The following KRT27 variants were observed in gnomAD, a reference collection of about 807,000 sequenced individuals.
KRT27 encodes the protein keratin 27.
A neutral mutation model predicts 45.3 loss-of-function variants in KRT27; 30 were observed. The ratio of observed to expected loss-of-function variants is 0.66; its 90% CI spans 0.50 to 0.90. The LOEUF (loss-of-function observed/expected upper bound fraction) is 0.90. Ranked by LOEUF, KRT27 falls within the 40% of genes least tolerant of loss-of-function variation. KRT27 has a pLI of 0.00. For synonymous variants in KRT27, 204 were observed against 223.9 expected, an observed-to-expected ratio of 0.91 and a Z score of 0.79; for missense variants, 610 against 564.3, an observed-to-expected ratio of 1.08 and a Z score of -0.82.
rs528340452 is a variant in KRT27 at position 40,777,258 on chromosome 17, G to A, written c.1235C>T (p.Thr412Ile). 5.6e-6 allele frequency: 9 copies of A among 1,613,760 alleles called. No individual in the cohort carries two copies. The highest frequency in any genetic ancestry group is 1.6e-4 in the Middle Eastern group (1 of 6,084). ...CTAACACAGCTTTTGTTTACCTTTT[G>A]TTTGATTTCCTGGGCCTCCATAGCC... ...SKGYGGPGNQ[T>I]KDSSKTTIVK... Residue 412 changes from threonine to isoleucine, a missense_variant, in exon 7 of 8, where the codon ACA becomes ATA. Physicochemically the swap from Thr to Ile is moderately conservative, Grantham distance 89. Coordinates refer to ENST00000301656, the MANE Select transcript of KRT27 (RefSeq NM_181537.4).
At chr17:40,781,813 C>T (rs1006718625) in intron 1 of KRT27, among the ~76,000 whole-genome samples, 2 of 152,198 alleles carry the variant, frequency 1.3e-5, no homozygotes, top group Non-Finnish European at 2.9e-5. Context: ...ACTGGAGACA[C>T]TGGACAGCTT....
Position 40,777,082 on chromosome 17 carries a change from T to C in KRT27, c.1297A>G (p.Lys433Glu). Residue 433 changes from lysine to glutamate, a missense_variant, in exon 8 of 8, where the codon AAA becomes GAA. Lys to Glu is a moderately conservative substitution (Grantham distance 56, BLOSUM62 1). Coordinates refer to ENST00000301656, the MANE Select transcript of KRT27 (RefSeq NM_181537.4). ...TVVEEIDPRG[K>E]VLSSRVHTVE... is the part of the protein sequence containing the mutation. ...GTGTGAACTCTGGATGAGAGAACTT[T>C]GCCACGAGGATCTATCTCTTCAACA... 6.2e-7 allele frequency: 1 copy of C among 1,614,122 alleles called. No homozygotes were observed. The highest frequency in any genetic ancestry group is 1.1e-5 in the South Asian group (1 of 91,076).
rs377315465 is a variant in KRT27, at chr17:40,777,597, C to T, written c.1108G>A (p.Glu370Lys). 2.4e-5 allele frequency: 38 copies of T among 1,613,894 alleles called. 1 individual carries two copies. In the South Asian group the frequency reaches 2.7e-4, roughly 12 times the overall value. ...VRTETEGQKL[E>K]YEQLLDIKVH... ...TTGATGTCAAGGAGCTGCTCATACT[C>T]GAGCTTCTGGCCCTCGGTCTCGGTT... The change falls in exon 6 of 8, where the codon GAG becomes AAG. Residue 370 changes from glutamate to lysine, a missense_variant. By Grantham distance (56) the Glu-to-Lys change is moderately conservative. Coordinates refer to ENST00000301656, the MANE Select transcript of KRT27 (RefSeq NM_181537.4).
At chr17:40,779,118 A>T (rs1296990601) in intron 5 of KRT27, among the ~76,000 whole-genome samples, 3 of 152,138 alleles carry the variant, frequency 2.0e-5, no homozygotes, top group South Asian at 2.1e-4. Flanking sequence ...TCCTTTAACC[A>T]ACCTCTTCCT....
chr17:40,780,521 T>A lies in KRT27; in HGVS notation c.528-65A>T, dbSNP rs997984290. 4 of 1,422,716 alleles carry A rather than the reference T, an allele frequency of 2.8e-6. No individual in the cohort carries two copies. In the African/African-American group the frequency reaches 4.2e-5, roughly 15 times the overall value. 88.1% of individuals were successfully genotyped at this position (1,422,716 alleles called of 1,614,324 possible). A position where few individuals can be genotyped will look rare whatever the true frequency, so the allele number is the denominator to read the frequency against. On this transcript the variant is annotated intron_variant, in intron 2 of 7. Coordinates refer to ENST00000301656, the MANE Select transcript of KRT27 (RefSeq NM_181537.4). ...ACATGGCACATCACTTTTTAGATCA[T>A]CATACAACTCAGACTAAGCTTTGAG...
Position 40,776,963 on chromosome 17 carries a change from T to G in KRT27, c.*36A>C, listed in dbSNP as rs1244722412. On this transcript the variant is annotated 3_prime_UTR_variant, in exon 8 of 8. Coordinates refer to ENST00000301656, the MANE Select transcript of KRT27 (RefSeq NM_181537.4). ...AGGAAACTAGCTTCATTTTGGTATTTTAATTTGGGGGCCATTCTGTCTCAG... is the reference window on the plus strand; with the variant it reads ...AGGAAACTAGCTTCATTTTGGTATTGTAATTTGGGGGCCATTCTGTCTCAG... 1 of 1,554,216 alleles carries G rather than the reference T, an allele frequency of 6.4e-7. No individual in the cohort carries two copies. Among genetic ancestry groups the G allele is most frequent in the East Asian group, 2.3e-5 (1 of 44,000 alleles).
At chr17:40,781,163 C>A in intron 2 of KRT27, 25 bp downstream of exon 2, 1 of 1,493,082 alleles carries the variant, frequency 6.7e-7, no homozygotes, top group Non-Finnish European at 9.1e-7. Context: ...ACTTTTTTTT[C>A]CCATTTATCT....
At position 40,777,336 on chromosome 17, in the gene KRT27, CT is replaced by C. The variant is rs1567678978; in HGVS notation, c.1191-35del. On this transcript the variant is annotated intron_variant, in intron 6 of 7. Transcript: ENST00000301656. ...GTATAGAGCGCTTATATTAATTATT[CT>C]GTTTTACTGAGGAAACTGAAAAATA... is the stretch of plus-strand genomic sequence containing the variant. The C allele has an allele frequency of 3.1e-6, 5 of 1,587,716 alleles. No homozygotes were observed. In the South Asian group the frequency reaches 3.5e-5, roughly 11 times the overall value.
chr17:40,782,122 T>C lies in KRT27; in HGVS notation c.372A>G (p.Gly124=), dbSNP rs1211891044. Residue 124 remains glycine (G), a synonymous_variant, in exon 1 of 8, where the codon GGA becomes GGG. Transcript: ENST00000301656. ...QKIKGWYEKF[G]PGSCRGLDHD... is the part of the protein sequence containing the mutation. Reference sequence around the variant, plus strand: ...GATCAAGGCCACGGCAAGAACCAGGTCCAAATTTCTCATACCACCCCTTGA... The same window carrying C: ...GATCAAGGCCACGGCAAGAACCAGGCCCAAATTTCTCATACCACCCCTTGA... 8 of 1,614,086 alleles carry C rather than the reference T, an allele frequency of 5.0e-6. No homozygotes were observed. The South Asian group carries it at 8.8e-5, about 18-fold the overall frequency.
chr17:40,778,049 G>T, intron 5 of KRT27: 2 of 275,486 alleles, frequency 7.3e-6, no homozygotes, highest in Admixed American at 4.7e-5. Context: ...GTAGAGTGTG[G>T]CACAATTTGC....
At chr17:40,779,957 A>G in intron 3 of KRT27, 96 bp from the exon 4 acceptor site, 2 of 1,374,672 alleles carry the variant, frequency 1.5e-6, no homozygotes, top group Non-Finnish European at 2.0e-6. Flanking sequence ...GCTGAAATGC[A>G]GTGGTGCAAT....
chr17:40,778,841 C>CT (rs56900687), intron 5 of KRT27, among the ~76,000 whole-genome samples: 14,069 of 150,604 alleles, frequency 0.093, 747 homozygotes, highest in African/African-American at 0.13. Context: ...GATTTTTTTT[C>CT]TTTTTTTTTA....
At chr17:40,778,862 T>C (rs2038286452) in intron 5 of KRT27, among the ~76,000 whole-genome samples, 1 of 151,886 alleles carries the variant, frequency 6.6e-6, no homozygotes, top group South Asian at 2.1e-4. Flanking sequence ...AATGGACACA[T>C]AAGAATTGTA....
chr17:40,779,515 G>T lies in KRT27; in HGVS notation c.959C>A (p.Ser320Tyr). ...CTTTTCGCTTACCGTTGCTAAGAGG[G>T]ACTGAAGTTCAATCTCAAGGGTTTG... ...TLQTLEIELQ[S>Y]LLATKHSLEC... The change falls in exon 5 of 8, where the codon TCC (serine) becomes TAC (tyrosine). Residue 320 changes from serine (S) to tyrosine (Y), a missense_variant. Coordinates refer to ENST00000301656, the MANE Select transcript of KRT27 (RefSeq NM_181537.4). The T allele has an allele frequency of 6.2e-7, 1 of 1,613,374 alleles. No individual in the cohort carries two copies. The highest frequency in any genetic ancestry group is 2.2e-5 in the East Asian group (1 of 44,862).
rs1314211039 is a variant in KRT27, at chr17:40,777,090, G to T, written c.1289C>A (p.Pro430His). 2 of 1,614,034 alleles carry T rather than the reference G, an allele frequency of 1.2e-6. No individual in the cohort carries two copies. Among genetic ancestry groups the T allele is most frequent in the East Asian group, 4.5e-5 (2 of 44,856 alleles). Residue 430 changes from proline to histidine, a missense_variant, in exon 8 of 8, where the codon CCT becomes CAT. Transcript: ENST00000301656. ...TCTGGATGAGAGAACTTTGCCACGA[G>T]GATCTATCTCTTCAACAACTGTTTT... ...IVKTVVEEID[P>H]RGKVLSSRVH... is the part of the protein sequence containing the mutation.
At position 40,777,104 on chromosome 17, in the gene KRT27, A is replaced by G. The variant is rs772321173; in HGVS notation, c.1275T>C (p.Val425=). 4 of 1,614,080 alleles carry G rather than the reference A, an allele frequency of 2.5e-6. No individual in the cohort carries two copies. Among genetic ancestry groups the G allele is most frequent in the Non-Finnish European group, 3.4e-6 (4 of 1,179,934 alleles). The change falls in exon 8 of 8, where the codon GTT becomes GTC. Residue 425 remains valine (V), a synonymous_variant. Transcript: ENST00000301656. ...CTTTGCCACGAGGATCTATCTCTTC[A>G]ACAACTGTTTTGACAATGGTGGTTT... ...SSKTTIVKTV[V]EEIDPRGKVL... is the part of the protein sequence containing the mutation.
rs114989519 is a variant in KRT27 at position 40,782,218 on chromosome 17, G to T, written c.276C>A (p.Asn92Lys). The change falls in exon 1 of 8, where the codon AAC (asparagine) becomes AAA (lysine). Residue 92 changes from asparagine (N) to lysine (K), a missense_variant. Physicochemically the swap from Asn to Lys is moderately conservative, Grantham distance 94. Coordinates refer to ENST00000301656, the MANE Select transcript of KRT27 (RefSeq NM_181537.4). ...GNEKVTMQNLNDRLASYLENV... is the reference protein window; with the variant it reads ...GNEKVTMQNLKDRLASYLENV... ...TCTCCAGGTAGGAGGCCAAGCGGTCGTTGAGGTTCTGCATGGTCACCTTCT... is the reference window on the plus strand; with the variant it reads ...TCTCCAGGTAGGAGGCCAAGCGGTCTTTGAGGTTCTGCATGGTCACCTTCT... The T allele has an allele frequency of 6.2e-7, 1 of 1,614,218 alleles. No individual in the cohort carries two copies. Among genetic ancestry groups the T allele is most frequent in the Non-Finnish European group, 8.5e-7 (1 of 1,180,044 alleles).
At chr17:40,778,605 T>C (rs1383587444) in intron 5 of KRT27, among the ~76,000 whole-genome samples, 1 of 152,172 alleles carries the variant, frequency 6.6e-6, no homozygotes, top group Non-Finnish European at 1.5e-5. Flanking sequence ...CCCGGGGTTG[T>C]TGTGGACTCA....
At chr17:40,781,693 G>A (rs2038313012) in intron 1 of KRT27, among the ~76,000 whole-genome samples, 1 of 152,170 alleles carries the variant, frequency 6.6e-6, no homozygotes, top group Non-Finnish European at 1.5e-5. Context: ...GCCTCCCAAA[G>A]TGCTGGGATT....
Sources: gnomAD v4.1 joint callset for allele counts (sites outside exome capture counted in the v4.1 genomes callset) on GRCh38, gnomAD v4.1.1 for gene constraint, MANE v1.5 for transcripts, NCBI Gene and HGNC (gene_info 2026-07-23, HGNC 2026-07-21) for gene names.